TMC2: variants seen among roughly 807,000 people sequenced by gnomAD.
TMC2 encodes the protein transmembrane channel-like protein 2.
In TMC2, 102 loss-of-function variants were observed where a neutral mutation model predicts 105.9. The observed-to-expected ratio is 0.96, with a 90% CI of 0.82 to 1.14. TMC2 has a LOEUF of 1.14. Among genes scored for constraint, TMC2 ranks in the 50% most tolerant of loss-of-function variants. TMC2 has a pLI of 0.00. For missense variants in TMC2, 1,093 were observed against 1,134.3 expected (o/e 0.96, Z 0.52); for synonymous variants, 402 against 422.8 (o/e 0.95, Z 0.60).
At position 2,592,678 on chromosome 20, in the gene TMC2, C is replaced by T. The variant is rs181141326; in HGVS notation, c.933+270C>T. Among the ~76,000 whole-genome samples the T allele has an allele frequency of 3.3e-5, 5 of 152,252 alleles. No individual in the cohort carries two copies. The highest frequency in any genetic ancestry group is 2.0e-4 in the Admixed American group (3 of 15,288). On this transcript the variant is annotated intron_variant, in intron 8 of 19. Transcript: ENST00000358864. The surrounding 1 kb of genome is among the most constrained non-coding windows in gnomAD (Gnocchi z 4.9). ...GTCTGCCAGGTCTCTGTAAGGTGATCTCACGGTATGCTTTTCTTTCCTCAT... is the reference window on the plus strand; with the variant it reads ...GTCTGCCAGGTCTCTGTAAGGTGATTTCACGGTATGCTTTTCTTTCCTCAT...
At chr20:2,636,049 T>A (rs2086640807) in intron 18 of TMC2, 45 bp downstream of exon 18, 1 of 1,577,880 alleles carries the variant, frequency 6.3e-7, no homozygotes, top group Middle Eastern at 1.7e-4. Flanking sequence ...AAAGAGATCA[T>A]GTTTTTGGTT....
At chr20:2,543,200 GC>G (rs748397524) in intron 2 of TMC2, among the ~76,000 whole-genome samples, 267 of 152,066 alleles carry the variant, frequency 1.8e-3, no homozygotes, top group Non-Finnish European at 2.7e-3. Context: ...TCTTACCACT[GC>G]ACTCCAGCCT....
intron 4 of TMC2, among the ~76,000 whole-genome samples, chr20:2,565,125 T>C (rs2086054788): frequency 6.6e-6 from 1 of 152,236 alleles, no homozygotes; most frequent in African/African-American, 2.4e-5. Context: ...CTTGACTGGA[T>C]GCTGTTCTTG....
chr20:2,604,277 G>A (rs549571019), intron 11 of TMC2, among the ~76,000 whole-genome samples: 1 of 152,308 alleles, frequency 6.6e-6, no homozygotes, highest in South Asian at 2.1e-4. Flanking sequence ...CTTTATCTCA[G>A]CCAACGTTTC....
chr20:2,579,840 T>C, intron 6 of TMC2, 110 bp from the exon 7 acceptor site: 1 of 645,574 alleles, frequency 1.5e-6, no homozygotes, highest in Non-Finnish European at 2.8e-6. Context: ...GATCCAGGTG[T>C]CATTCAACAG....
At chr20:2,556,340 A>G (rs758107203) in intron 2 of TMC2, among the ~76,000 whole-genome samples, 4 of 152,036 alleles carry the variant, frequency 2.6e-5, no homozygotes, top group East Asian at 1.9e-4. Flanking sequence ...CAGCCTCCCA[A>G]AGTGCTGGGA....
chr20:2,544,571 T>C (rs2085911693), intron 2 of TMC2, among the ~76,000 whole-genome samples: 1 of 152,212 alleles, frequency 6.6e-6, no homozygotes, highest in South Asian at 2.1e-4. Flanking sequence ...ATTCTTCCAC[T>C]AAAACAGCAC....
rs2085942231 is a variant in TMC2 at position 2,549,202 on chromosome 20, C to A, written c.83-9254C>A. ...TCCCAAGTAGCTAGTACTATCGGCACTTACCACTATCCTGGCTAAATTTTT... is the reference window on the plus strand; with the variant it reads ...TCCCAAGTAGCTAGTACTATCGGCAATTACCACTATCCTGGCTAAATTTTT... On this transcript the variant is annotated intron_variant, in intron 2 of 19. Coordinates refer to ENST00000358864, the MANE Select transcript of TMC2 (RefSeq NM_080751.3). Among the ~76,000 whole-genome samples, 3 of 152,158 alleles carry A rather than the reference C, an allele frequency of 2.0e-5. No individual in the cohort carries two copies. In the South Asian group the frequency reaches 6.2e-4, roughly 31 times the overall value.
chr20:2,581,178 A>G (rs2086186951), intron 7 of TMC2, among the ~76,000 whole-genome samples: 1 of 152,216 alleles, frequency 6.6e-6, no homozygotes, highest in Admixed American at 6.5e-5. Context: ...AGCCACTTTC[A>G]GGACATTAAA....
rs140243430 is a variant in TMC2 at position 2,600,381 on chromosome 20, C to T, written c.1225-1732C>T. On this transcript the variant is annotated intron_variant, in intron 10 of 19. Coordinates refer to ENST00000358864, the MANE Select transcript of TMC2 (RefSeq NM_080751.3). ...TTTTATATACTAACAGAAAACAATT[C>T]GAAAATAAGTTTAAGGCCAGGCACA... Among the ~76,000 whole-genome samples the T allele has an allele frequency of 3.6e-3, 541 of 152,124 alleles. 5 individuals carry two copies. The highest frequency in any genetic ancestry group is 6.5e-3 in the Non-Finnish European group (445 of 67,992).
intron 3 of TMC2, among the ~76,000 whole-genome samples, chr20:2,561,603 T>C (rs759287288): frequency 2.0e-5 from 3 of 152,228 alleles, no homozygotes; most frequent in Non-Finnish European, 4.4e-5. Flanking sequence ...TGTGTCCTAT[T>C]TCTGTTGGGG....
intron 17 of TMC2, among the ~76,000 whole-genome samples, chr20:2,629,588 G>A (rs2086589238): frequency 6.8e-6 from 1 of 147,070 alleles, no homozygotes; most frequent in Admixed American, 6.8e-5. Flanking sequence ...GCCATTACTA[G>A]CCCATATAGT....
At position 2,537,290 on chromosome 20, in the gene TMC2, G is replaced by T; in HGVS notation, c.56G>T (p.Arg19Leu). The T allele has an allele frequency of 6.2e-7, 1 of 1,604,042 alleles. No homozygotes were observed. Among genetic ancestry groups the T allele is most frequent in the Non-Finnish European group, 8.5e-7 (1 of 1,175,580 alleles). The change falls in exon 2 of 20, where the codon CGG becomes CTG. Residue 19 changes from arginine to leucine, a missense_variant. By Grantham distance (102) the Arg-to-Leu change is moderately radical. Coordinates refer to ENST00000358864, the MANE Select transcript of TMC2 (RefSeq NM_080751.3). ...ACAGCACGAGGCGGAGTGAAAGGGC[G>T]GGTGAAGAGCGGCTCTCCACACACA... Reference protein sequence around the residue: ...KEEARGGVKGRVKSGSPHTGD... With the variant: ...KEEARGGVKGLVKSGSPHTGD...
chr20:2,633,486 T>C (rs995850225), intron 17 of TMC2, among the ~76,000 whole-genome samples: 1 of 143,792 alleles, frequency 7.0e-6, no homozygotes, highest in Non-Finnish European at 1.5e-5. Context: ...CCAACTGTTA[T>C]GCAACACTTC....
chr20:2,546,053 A>G (rs2085924531), intron 2 of TMC2, among the ~76,000 whole-genome samples: 1 of 152,236 alleles, frequency 6.6e-6, no homozygotes, highest in Non-Finnish European at 1.5e-5. Context: ...TGTCAGTGAA[A>G]GTCTGATCAC....
intron 19 of TMC2, 93 bp from the exon 20 acceptor site, chr20:2,641,041 A>T (rs1286384507): frequency 8.2e-6 from 9 of 1,095,108 alleles, no homozygotes. Context: ...TAGGACTAAA[A>T]CCTACACACA....
rs1327922929 is a variant in TMC2 at position 2,592,385 on chromosome 20, T to A, written c.910T>A (p.Phe304Ile). 1 of 1,613,850 alleles carries A rather than the reference T, an allele frequency of 6.2e-7. No homozygotes were observed. Among genetic ancestry groups the A allele is most frequent in the Non-Finnish European group, 8.5e-7 (1 of 1,179,740 alleles). ...GGCTGAGGAAGAAAAGGCCATGGAT[T>A]TTTCTGTCCTTTGGGATTTTGAGGT... ...PRAEEEKAMD[F>I]SVLWDFEGYI... Residue 304 changes from phenylalanine to isoleucine, a missense_variant, in exon 8 of 20, where the codon TTT becomes ATT. Physicochemically the swap from Phe to Ile is conservative, Grantham distance 21 (BLOSUM62 0). Transcript: ENST00000358864. The surrounding 1 kb of genome is among the most constrained non-coding windows in gnomAD (Gnocchi z 4.9).
chr20:2,610,608 A>C lies in TMC2; in HGVS notation c.1593+10A>C. 6.4e-7 allele frequency: 1 copy of C among 1,560,018 alleles called. No homozygotes were observed. Among genetic ancestry groups the C allele is most frequent in the South Asian group, 1.2e-5 (1 of 84,578 alleles). ...TGACGTCCACCTCAAGGTAAAAACC[A>C]CAACACCCCCCACCCCACTGCAATT... On this transcript the variant is annotated intron_variant, in intron 12 of 19. Transcript: ENST00000358864.
intron 11 of TMC2, 62 bp downstream of exon 11, chr20:2,602,363 A>G: frequency 8.0e-7 from 1 of 1,243,008 alleles, no homozygotes. Flanking sequence ...ACTGGTTCCT[A>G]TGCCATTCAT....
Sources: allele counts gnomAD v4.1 joint callset (sites outside exome capture counted in the v4.1 genomes callset), GRCh38; gene constraint gnomAD v4.1.1; non-coding constraint Gnocchi (gnomAD v3.1); transcripts MANE v1.5; gene names NCBI Gene and HGNC (gene_info 2026-07-23, HGNC 2026-07-21).